The following PRKCQ variants were observed in gnomAD, a reference collection of about 807,000 sequenced individuals.
The protein encoded by PRKCQ is protein kinase C theta.
In PRKCQ, 41 loss-of-function variants were observed where a neutral mutation model predicts 91.2. The ratio of observed to expected loss-of-function variants is 0.45; its 90% CI spans 0.35 to 0.58. The LOEUF is 0.58. Among genes scored for constraint, PRKCQ ranks in the 20% least tolerant of loss-of-function variants. The pLI, the probability that PRKCQ is intolerant of heterozygous loss-of-function variation, is 0.00. For missense variants in PRKCQ, 673 were observed against 896.5 expected, an observed-to-expected ratio of 0.75 and a Z score of 3.18; for synonymous variants, 307 against 316.9, an observed-to-expected ratio of 0.97 and a Z score of 0.33.
intron 1 of PRKCQ, among the ~76,000 whole-genome samples, chr10:6,556,796 C>T (rs1210068469): frequency 3.3e-5 from 5 of 152,086 alleles, no homozygotes; most frequent in East Asian, 1.9e-4. Context: ...ATTTCCTAAA[C>T]GGGCTGTCCC....
chr10:6,491,295 G>A (rs1837282035), intron 8 of PRKCQ, among the ~76,000 whole-genome samples: 1 of 152,214 alleles, frequency 6.6e-6, no homozygotes, highest in Non-Finnish European at 1.5e-5. Flanking sequence ...GAAGGGTTAG[G>A]GTACCACACA....
the PRKCQ span, among the ~76,000 whole-genome samples, chr10:6,404,503 C>CTCTG: frequency 7.2e-6 from 1 of 138,840 alleles, no homozygotes; most frequent in Non-Finnish European, 1.5e-5. Context: ...TCCTTTCTTT[C>CTCTG]TCTGTCTCTC....
At chr10:6,568,901 G>A (rs1444774772) in intron 1 of PRKCQ, among the ~76,000 whole-genome samples, 3 of 152,112 alleles carry the variant, frequency 2.0e-5, no homozygotes, top group Non-Finnish European at 1.5e-5. Flanking sequence ...GGGAGATGGA[G>A]TCTTTGCAGC....
At chr10:6,453,035 A>T (rs1451153222) in intron 15 of PRKCQ, among the ~76,000 whole-genome samples, 6 of 151,928 alleles carry the variant, frequency 3.9e-5, no homozygotes, top group Non-Finnish European at 8.8e-5. Flanking sequence ...TGTCTAAAAT[A>T]CCAAAAGCAA....
chr10:6,561,053 A>AT (rs397829911), intron 1 of PRKCQ, among the ~76,000 whole-genome samples: 3 of 149,718 alleles, frequency 2.0e-5, no homozygotes, highest in East Asian at 3.9e-4. Flanking sequence ...AAAAAAAAAA[A>AT]TTTATTCTTT....
the PRKCQ span, among the ~76,000 whole-genome samples, chr10:6,417,186 G>A: frequency 6.6e-6 from 1 of 152,206 alleles, no homozygotes; most frequent in African/African-American, 2.4e-5. Context: ...GGAGAGGGTC[G>A]AGGAGGAAAA....
At chr10:6,537,298 GA>G (rs1258983663) in intron 1 of PRKCQ, among the ~76,000 whole-genome samples, 2 of 152,182 alleles carry the variant, frequency 1.3e-5, no homozygotes, top group African/African-American at 4.8e-5. Flanking sequence ...GGAAATAAAT[GA>G]GGAGGACTAA....
Position 6,428,201 on chromosome 10 carries a change from C to A in PRKCQ, c.*6G>T. 2.5e-6 allele frequency: 4 copies of A among 1,614,108 alleles called. No homozygotes were observed. The highest frequency in any genetic ancestry group is 1.1e-5 in the South Asian group (1 of 91,072). ...AAATTCTTTCCTGTCTCTGGAGGGG[C>A]AAGATTCAGGATATCAGCCGCTCCA... On this transcript the variant is annotated 3_prime_UTR_variant, in exon 18 of 18. Transcript: ENST00000263125.
At chr10:6,468,394 C>T (rs1470809595) in intron 12 of PRKCQ, among the ~76,000 whole-genome samples, 1 of 152,188 alleles carries the variant, frequency 6.6e-6, no homozygotes, top group African/African-American at 2.4e-5. Flanking sequence ...CTATTCAACA[C>T]AGCTAATCAA....
intron 4 of PRKCQ, among the ~76,000 whole-genome samples, chr10:6,503,042 G>A (rs748297284): frequency 5.3e-5 from 8 of 152,148 alleles, no homozygotes; most frequent in Non-Finnish European, 4.4e-5. Context: ...TAGCAAAGCC[G>A]GGGAGAATGA....
chr10:6,484,461 C>T (rs1836789523), intron 10 of PRKCQ, among the ~76,000 whole-genome samples: 1 of 152,156 alleles, frequency 6.6e-6, no homozygotes, highest in Admixed American at 6.5e-5. Flanking sequence ...ATTGCTAAGA[C>T]ATAGTCTCCT....
At chr10:6,435,919 G>C (rs551622246) in intron 16 of PRKCQ, among the ~76,000 whole-genome samples, 1 of 152,230 alleles carries the variant, frequency 6.6e-6, no homozygotes, top group South Asian at 2.1e-4. Context: ...TTTGAGACCT[G>C]CCTGGGGAAC....
At chr10:6,531,655 C>T (rs577449130) in intron 1 of PRKCQ, among the ~76,000 whole-genome samples, 3 of 152,222 alleles carry the variant, frequency 2.0e-5, no homozygotes, top group African/African-American at 4.8e-5. Context: ...CTCTGTCTCT[C>T]TCTCTTTCCC....
intron 1 of PRKCQ, among the ~76,000 whole-genome samples, chr10:6,574,078 T>C (rs1841137379): frequency 6.6e-6 from 1 of 152,160 alleles, no homozygotes; most frequent in Non-Finnish European, 1.5e-5. Flanking sequence ...ATCGTGCCAC[T>C]GCACTCCAGC....
At chr10:6,570,128 C>T (rs1322485850) in intron 1 of PRKCQ, among the ~76,000 whole-genome samples, 11 of 152,192 alleles carry the variant, frequency 7.2e-5, no homozygotes, top group Non-Finnish European at 7.4e-5. Context: ...TGTGTGCTCA[C>T]GGCACATCTG....
chr10:6,553,489 C>CAAAAAAA (rs869196227), intron 1 of PRKCQ, among the ~76,000 whole-genome samples: 1 of 8,902 alleles, frequency 1.1e-4, no homozygotes, highest in African/African-American at 2.2e-4. Context: ...GACCCTGTCT[C>CAAAAAAA]AAAAAAAAAA....
At chr10:6,493,052 T>C (rs1837408436) in intron 7 of PRKCQ, among the ~76,000 whole-genome samples, 1 of 152,158 alleles carries the variant, frequency 6.6e-6, no homozygotes, top group Non-Finnish European at 1.5e-5. Flanking sequence ...ATATGGACAA[T>C]TAATAGGTCA....
At chr10:6,539,446 G>T (rs1412308303) in intron 1 of PRKCQ, among the ~76,000 whole-genome samples, 1 of 151,854 alleles carries the variant, frequency 6.6e-6, no homozygotes, top group Non-Finnish European at 1.5e-5. Context: ...CATGAACTGC[G>T]CAAGTGAGAG....
chr10:6,463,897 G>A (rs189035489), intron 13 of PRKCQ, among the ~76,000 whole-genome samples: 2 of 152,256 alleles, frequency 1.3e-5, no homozygotes, highest in East Asian at 3.9e-4. Context: ...TTCTCAGATG[G>A]ACTAAGTGCC....
Sources: allele counts gnomAD v4.1 joint callset (sites outside exome capture counted in the v4.1 genomes callset), GRCh38; gene constraint gnomAD v4.1.1; transcripts MANE v1.5; gene names NCBI Gene and HGNC (gene_info 2026-07-23, HGNC 2026-07-21).